Variants in ARHGAP42 observed in about 807,000 individuals in gnomAD.
ARHGAP42 encodes the protein Rho GTPase activating protein 42, also known as rho GTPase-activating protein 42.
ARHGAP42 carries 63 observed loss-of-function variants against 125.0 expected under a neutral mutation model. That is an observed-to-expected ratio of 0.50 (90% CI 0.41 to 0.62). ARHGAP42 has a LOEUF of 0.62. ARHGAP42 is among the 20% of genes least tolerant of loss of function. ARHGAP42 has a pLI of 0.00. For synonymous variants in ARHGAP42, 339 were observed against 351.0 expected (o/e 0.97, Z 0.38); for missense variants, 766 against 1,024.2 (o/e 0.75, Z 3.44).
intron 2 of ARHGAP42, among the ~76,000 whole-genome samples, chr11:100,781,722 A>C (rs898787048): frequency 6.6e-6 from 1 of 152,222 alleles, no homozygotes; most frequent in African/African-American, 2.4e-5. Flanking sequence ...ACAATTATTC[A>C]GATTTTTTTC....
chr11:100,910,302 T>C (rs1591288437), intron 4 of ARHGAP42, among the ~76,000 whole-genome samples: 1 of 152,332 alleles, frequency 6.6e-6, no homozygotes, highest in Admixed American at 6.5e-5. Context: ...CTATGCTTTA[T>C]ATAGGGTCAT....
At chr11:100,886,153 T>A (rs1165046768) in intron 4 of ARHGAP42, among the ~76,000 whole-genome samples, 3 of 152,240 alleles carry the variant, frequency 2.0e-5, no homozygotes, top group Admixed American at 6.5e-5. Flanking sequence ...CATAGCTATC[T>A]CTTTAGATTT....
chr11:100,954,319 A>C (rs1393437317), intron 12 of ARHGAP42, among the ~76,000 whole-genome samples: 1 of 152,194 alleles, frequency 6.6e-6, no homozygotes, highest in African/African-American at 2.4e-5. Context: ...GAGTAAGAAA[A>C]AGGAAGTTCT....
intron 1 of ARHGAP42, among the ~76,000 whole-genome samples, chr11:100,689,003 T>C (rs1263490786): frequency 2.0e-5 from 3 of 152,248 alleles, no homozygotes; most frequent in East Asian, 1.9e-4. Flanking sequence ...ATCGGATCTA[T>C]ATTTTGAAAC....
At chr11:100,700,722 C>A (rs1374022079) in intron 1 of ARHGAP42, among the ~76,000 whole-genome samples, 1 of 152,226 alleles carries the variant, frequency 6.6e-6, no homozygotes, top group Admixed American at 6.5e-5. Flanking sequence ...AATGCCACTT[C>A]TCTTGCTATT....
chr11:100,802,980 C>A (rs949499636), intron 3 of ARHGAP42, among the ~76,000 whole-genome samples: 1 of 152,282 alleles, frequency 6.6e-6, no homozygotes, highest in East Asian at 1.9e-4. Context: ...AACATTATAA[C>A]AGAAATACCT....
At chr11:100,736,236 C>T (rs546894601) in intron 1 of ARHGAP42, among the ~76,000 whole-genome samples, 3 of 152,166 alleles carry the variant, frequency 2.0e-5, no homozygotes, top group South Asian at 4.1e-4. Flanking sequence ...GAATTCTCAT[C>T]ATTTTGTGAA....
At chr11:100,703,799 C>T (rs1456793202) in intron 1 of ARHGAP42, among the ~76,000 whole-genome samples, 2 of 152,178 alleles carry the variant, frequency 1.3e-5, no homozygotes, top group East Asian at 3.8e-4. Flanking sequence ...ACAATTTGCA[C>T]TTCTCAGAAG....
At chr11:100,732,733 C>CTA (rs1861981761) in intron 1 of ARHGAP42, among the ~76,000 whole-genome samples, 1 of 152,200 alleles carries the variant, frequency 6.6e-6, no homozygotes, top group Non-Finnish European at 1.5e-5. Context: ...TAGTGAGTGA[C>CTA]TGGCTTATGT....
chr11:100,838,549 C>A (rs949865602), intron 3 of ARHGAP42, among the ~76,000 whole-genome samples: 5 of 151,640 alleles, frequency 3.3e-5, no homozygotes, highest in South Asian at 2.1e-4. Flanking sequence ...TACAAAAAAT[C>A]AAAAAAATTA....
At chr11:100,796,194 A>C (rs1055371138) in intron 3 of ARHGAP42, among the ~76,000 whole-genome samples, 1 of 151,924 alleles carries the variant, frequency 6.6e-6, no homozygotes, top group Non-Finnish European at 1.5e-5. Context: ...AAATTTTTTC[A>C]TTAGTGTTAT....
At chr11:100,929,611 A>G (rs1255484275) in intron 6 of ARHGAP42, among the ~76,000 whole-genome samples, 18 of 152,146 alleles carry the variant, frequency 1.2e-4, no homozygotes, top group Non-Finnish European at 2.9e-5. Flanking sequence ...TATCCTAGAG[A>G]GCTGAACTTA....
Position 100,976,840 on chromosome 11 carries a change from T to G in ARHGAP42, c.2262T>G (p.Ile754Met). Residue 754 changes from isoleucine (I) to methionine (M), a missense_variant, in exon 21 of 24, where the codon ATT becomes ATG. Ile to Met is a conservative substitution (Grantham distance 10). Around this residue, in one of 3 missense-constraint regions of ARHGAP42, gnomAD observed 308 missense variants for 369.7 expected, o/e 0.83. Transcript: ENST00000298815. Reference sequence around the variant, plus strand: ...GAAACAAGAGCTACAGTGGATCTATTCAAAGCTTAACTTCTGTAGGTTCCA... The same window carrying G: ...GAAACAAGAGCTACAGTGGATCTATGCAAAGCTTAACTTCTGTAGGTTCCA... ...AEGNKSYSGS[I>M]QSLTSVGSKE... is the part of the protein sequence containing the mutation. 6.4e-7 allele frequency: 1 copy of G among 1,550,950 alleles called. No individual in the cohort carries two copies. Among genetic ancestry groups the G allele is most frequent in the African/African-American group, 1.4e-5 (1 of 73,132 alleles).
chr11:100,871,556 A>AAG (rs1468463262), intron 4 of ARHGAP42, among the ~76,000 whole-genome samples: 3 of 151,572 alleles, frequency 2.0e-5, no homozygotes, highest in Non-Finnish European at 4.4e-5. Flanking sequence ...AAAAAAAAAA[A>AAG]AAAAAGAAAA....
intron 1 of ARHGAP42, among the ~76,000 whole-genome samples, chr11:100,760,316 A>G (rs577008603): frequency 6.6e-6 from 1 of 152,326 alleles, no homozygotes; most frequent in African/African-American, 2.4e-5. Flanking sequence ...TGCAAAGAAT[A>G]GTTTGAGAGA....
intron 1 of ARHGAP42, 68 bp from the exon 2 acceptor site, chr11:100,770,275 A>C: frequency 9.6e-7 from 1 of 1,040,090 alleles, no homozygotes; most frequent in South Asian, 1.7e-5. Flanking sequence ...ATAATTTTAC[A>C]TTTGGAAACT....
chr11:100,900,338 C>G (rs954507820), intron 4 of ARHGAP42, among the ~76,000 whole-genome samples: 2 of 152,176 alleles, frequency 1.3e-5, no homozygotes, highest in African/African-American at 2.4e-5. Flanking sequence ...CTGTGCTTAA[C>G]ATTTTTTCCT....
At chr11:100,980,559 CTTTTTTTTTTTTTTTT>C (rs763302463) in intron 22 of ARHGAP42, among the ~76,000 whole-genome samples, 3 of 51,962 alleles carry the variant, frequency 5.8e-5, no homozygotes, top group Non-Finnish European at 1.2e-4. Flanking sequence ...TTTTCTTCTT[CTTTTTTTTTTTTTTTT>C]TTTTTTTTTT....
At chr11:100,832,501 T>C (rs1864686089) in intron 3 of ARHGAP42, among the ~76,000 whole-genome samples, 1 of 152,180 alleles carries the variant, frequency 6.6e-6, no homozygotes, top group African/African-American at 2.4e-5. Flanking sequence ...CTTCCTAACT[T>C]ATACACAAAT....
Sources: allele counts gnomAD v4.1 joint callset (sites outside exome capture counted in the v4.1 genomes callset), GRCh38; gene constraint gnomAD v4.1.1; regional missense constraint gnomAD v4.1.1; transcripts MANE v1.5; gene names NCBI Gene and HGNC (gene_info 2026-07-23, HGNC 2026-07-21).